CPNE4: variants seen among roughly 807,000 people sequenced by gnomAD.
CPNE4 encodes copine 4.
A neutral mutation model predicts 67.9 loss-of-function variants in CPNE4; 25 were observed. That is an observed-to-expected ratio of 0.37 (90% CI 0.27 to 0.51). The LOEUF (loss-of-function observed/expected upper bound fraction) is 0.51. CPNE4 is among the 20% of genes least tolerant of loss of function. The pLI is 0.93. For synonymous variants in CPNE4, 242 were observed against 244.9 expected, an observed-to-expected ratio of 0.99 and a Z score of 0.11; for missense variants, 464 against 690.8, an observed-to-expected ratio of 0.67 and a Z score of 3.68.
intron 3 of CPNE4, among the ~76,000 whole-genome samples, chr3:131,713,906 A>T (rs2081619290): frequency 6.6e-6 from 1 of 152,104 alleles, no homozygotes; most frequent in African/African-American, 2.4e-5. Context: ...TAAAAAAAAA[A>T]ATGGCACTAC....
At chr3:131,688,587 C>T (rs74318207) in intron 5 of CPNE4, among the ~76,000 whole-genome samples, 2,546 of 152,272 alleles carry the variant, frequency 0.017, 41 homozygotes, top group African/African-American at 0.044. Flanking sequence ...CACGCTTTGC[C>T]TCTTTAAATA....
Position 131,535,038 on chromosome 3 carries a change from C to CAAA in CPNE4, c.*154_*156dup. The CAAA allele has an allele frequency of 1.5e-6, 1 of 675,310 alleles. No individual in the cohort carries two copies. The highest frequency in any genetic ancestry group is 2.3e-6 in the Non-Finnish European group (1 of 438,648). The allele number at this position is 675,310 out of a possible 1,614,324, so 41.8% of individuals were successfully genotyped here. A position where few individuals can be genotyped will look rare whatever the true frequency, so the allele number is the denominator to read the frequency against. On this transcript the variant is annotated 3_prime_UTR_variant, in exon 16 of 16. Transcript: ENST00000429747. ...GATCCAGGCCTCAGGGCTACACATG[C>CAAA]AAAAAAAATTGTCAGATAGTTAAAA...
intron 7 of CPNE4, chr3:131,620,507 A>T: frequency 1.0e-6 from 1 of 980,652 alleles, no homozygotes; most frequent in Non-Finnish European, 1.2e-6. Context: ...GATGGTAGGC[A>T]GAATAATGGT....
chr3:131,978,101 A>ATTT, intron 1 of CPNE4, among the ~76,000 whole-genome samples: 2 of 75,002 alleles, frequency 2.7e-5, no homozygotes, highest in African/African-American at 2.1e-4. Context: ...ATATATATAA[A>ATTT]TATATATAAA....
intron 2 of CPNE4, among the ~76,000 whole-genome samples, chr3:131,792,652 T>TATAC (rs1479254231): frequency 7.7e-5 from 6 of 77,896 alleles, no homozygotes; most frequent in Non-Finnish European, 1.3e-4. Flanking sequence ...TATATGTATA[T>TATAC]ATACACACGT....
At chr3:131,809,744 T>C (rs938613292) in intron 2 of CPNE4, among the ~76,000 whole-genome samples, 1 of 152,126 alleles carries the variant, frequency 6.6e-6, no homozygotes, top group African/African-American at 2.4e-5. Context: ...ACCTGATAGG[T>C]TATTGTAGAG....
chr3:131,564,323 G>C lies in CPNE4; in HGVS notation c.954C>G (p.Asn318Lys). ...AGGAACAGCTGTTCCTGGGGTCCCCGTTTGAGGCAGTGAAATCTATAGCTA... is the reference window on the plus strand; with the variant it reads ...AGGAACAGCTGTTCCTGGGGTCCCCCTTTGAGGCAGTGAAATCTATAGCTA... ...FTVAIDFTASNGDPRNSCSLH... is the reference protein window; with the variant it reads ...FTVAIDFTASKGDPRNSCSLH... The change falls in exon 11 of 16, where the codon AAC (asparagine) becomes AAG (lysine). Residue 318 changes from asparagine to lysine, a missense_variant. Physicochemically the swap from Asn to Lys is moderately conservative, Grantham distance 94 (BLOSUM62 0). Coordinates refer to ENST00000429747, the MANE Select transcript of CPNE4 (RefSeq NM_130808.3). 6.2e-7 allele frequency: 1 copy of C among 1,612,340 alleles called. No individual in the cohort carries two copies. The highest frequency in any genetic ancestry group is 8.5e-7 in the Non-Finnish European group (1 of 1,179,102).
At chr3:131,970,258 C>A (rs2072465892) in intron 1 of CPNE4, among the ~76,000 whole-genome samples, 1 of 152,174 alleles carries the variant, frequency 6.6e-6, no homozygotes, top group African/African-American at 2.4e-5. Context: ...GAAGACACAC[C>A]AACCCCCACA....
intron 5 of CPNE4, among the ~76,000 whole-genome samples, chr3:131,695,578 T>C (rs2081135086): frequency 6.6e-6 from 1 of 152,168 alleles, no homozygotes; most frequent in African/African-American, 2.4e-5. Flanking sequence ...GGGAAGATAC[T>C]ATAAAGAAGT....
chr3:131,732,632 C>T (rs1429417908), intron 2 of CPNE4, among the ~76,000 whole-genome samples: 1 of 152,228 alleles, frequency 6.6e-6, no homozygotes, highest in Non-Finnish European at 1.5e-5. Context: ...CTAATAGTAG[C>T]TTCTGACTAT....
At chr3:131,663,976 A>G (rs988714288) in intron 7 of CPNE4, among the ~76,000 whole-genome samples, 2 of 152,188 alleles carry the variant, frequency 1.3e-5, no homozygotes, top group African/African-American at 4.8e-5. Context: ...TTGATCCAGA[A>G]CAACTGGTGC....
intron 7 of CPNE4, chr3:131,620,529 G>A (rs921029846): frequency 7.8e-5 from 69 of 886,366 alleles, no homozygotes; most frequent in Non-Finnish European, 9.1e-5. Flanking sequence ...CCTCAAGTAT[G>A]TCCATACCCT....
At chr3:131,910,357 C>T (rs1025729396) in intron 1 of CPNE4, among the ~76,000 whole-genome samples, 2 of 152,174 alleles carry the variant, frequency 1.3e-5, no homozygotes, top group African/African-American at 4.8e-5. Context: ...AGTAACAACA[C>T]TGTTTCCTCT....
intron 2 of CPNE4, among the ~76,000 whole-genome samples, chr3:131,748,917 CCTCA>C (rs961757710): frequency 6.1e-5 from 9 of 147,732 alleles, no homozygotes; most frequent in African/African-American, 2.3e-4. Context: ...CAATTCTTTG[CCTCA>C]CTGACTTTCT....
intron 2 of CPNE4, among the ~76,000 whole-genome samples, chr3:131,891,733 G>A (rs181865245): frequency 1.4e-4 from 21 of 152,098 alleles, no homozygotes; most frequent in Admixed American, 5.2e-4. Flanking sequence ...CTTTATCCAC[G>A]CTTCTGCAAA....
At chr3:131,631,882 C>A in intron 7 of CPNE4, among the ~76,000 whole-genome samples, 1 of 150,182 alleles carries the variant, frequency 6.7e-6, no homozygotes. Flanking sequence ...TATCCCCCCT[C>A]CCCAACACTT....
At position 131,762,985 on chromosome 3, in the gene CPNE4, C is replaced by T. The variant is rs1299646042; in HGVS notation, c.181-39360G>A. 2.0e-5 allele frequency among the ~76,000 whole-genome samples: 3 copies of T among 151,260 alleles called. No individual in the cohort carries two copies. In the South Asian group the frequency reaches 6.2e-4, roughly 31 times the overall value. On this transcript the variant is annotated intron_variant, in intron 2 of 15. Transcript: ENST00000429747. The stretch of plus-strand genomic sequence containing the variant: ...GATTCCCATGGGGAAGGAGATAAGG[C>T]AGGAAAGAATACATATACCACAAAA...
At chr3:131,801,367 TGTACC>T in intron 2 of CPNE4, among the ~76,000 whole-genome samples, 1 of 133,476 alleles carries the variant, frequency 7.5e-6, no homozygotes, top group Non-Finnish European at 1.6e-5. Flanking sequence ...TATATATATA[TGTACC>T]ATATATATAT....
rs184943470 is a variant in CPNE4 at position 132,028,770 on chromosome 3, T to C, written c.-2+5797A>G. Among the ~76,000 whole-genome samples, 3 of 152,224 alleles carry C rather than the reference T, an allele frequency of 2.0e-5. No individual in the cohort carries two copies. In the East Asian group the frequency reaches 5.8e-4, roughly 29 times the overall value. ...CATTAAGCACTTAAAATGTGGCAAA[T>C]CTGAATTAAAATGTGCTGTAAGTAT... On this transcript the variant is annotated intron_variant, in intron 1 of 15. Coordinates refer to ENST00000429747, the MANE Select transcript of CPNE4 (RefSeq NM_130808.3).
Sources: allele counts gnomAD v4.1 joint callset (sites outside exome capture counted in the v4.1 genomes callset), GRCh38; gene constraint gnomAD v4.1.1; transcripts MANE v1.5; gene names NCBI Gene and HGNC (gene_info 2026-07-23, HGNC 2026-07-21).